FAM107A: variants seen among roughly 807,000 people sequenced by gnomAD.
FAM107A encodes the protein actin-associated protein FAM107A.
A neutral mutation model predicts 13.7 loss-of-function variants in FAM107A; 19 were observed. That is an observed-to-expected ratio of 1.38 (90% CI 0.97 to 2.03). The LOEUF (loss-of-function observed/expected upper bound fraction) is 2.03. Ranked by LOEUF, FAM107A falls within the 30% of genes most tolerant of loss-of-function variation. The probability of loss-of-function intolerance (pLI) is 0.00; values close to 1 mark genes in which losing one functional copy is unlikely to be tolerated. For missense variants in FAM107A, 203 were observed against 184.4 expected, an observed-to-expected ratio of 1.10 and a Z score of -0.58; for synonymous variants, 82 against 74.5, an observed-to-expected ratio of 1.10 and a Z score of -0.52.
intron 1 of FAM107A, among the ~76,000 whole-genome samples, chr3:58,595,462 C>G (rs957703234): frequency 6.6e-6 from 1 of 152,116 alleles, no homozygotes; most frequent in African/African-American, 2.4e-5. Context: ...GACAATACAC[C>G]CTCCCTGCCC....
Position 58,566,517 on chromosome 3 carries a change from G to T in FAM107A, c.*71C>A. The T allele has an allele frequency of 3.7e-6, 4 of 1,087,704 alleles. No homozygotes were observed. Among genetic ancestry groups the T allele is most frequent in the Non-Finnish European group, 5.6e-6 (4 of 709,886 alleles). 67.4% of individuals were successfully genotyped at this position (1,087,704 alleles called of 1,614,324 possible). ...GTCCCAGGGCCTGGGGCCCAGGGCTGCCAGGTACAGAAGGGCTGAAGGAGG... is the reference window on the plus strand; with the variant it reads ...GTCCCAGGGCCTGGGGCCCAGGGCTTCCAGGTACAGAAGGGCTGAAGGAGG... On this transcript the variant is annotated 3_prime_UTR_variant, in exon 4 of 4. Transcript: ENST00000360997.
At position 58,593,435 on chromosome 3, in the gene FAM107A, A is replaced by G. The variant is rs984509665; in HGVS notation, c.-69-4166T>C. ...TTGTAAATGCCCTGCCCTTGTTTAC[A>G]CTGCCGGTTTACACTTTTCCTCCAA... On this transcript the variant is annotated intron_variant, in intron 1 of 3. Coordinates refer to the FAM107A transcript ENST00000465970. Among the ~76,000 whole-genome samples the G allele has an allele frequency of 3.9e-5, 6 of 152,154 alleles. No individual in the cohort carries two copies. The East Asian group carries it at 1.2e-3, about 29-fold the overall frequency.
chr3:58,588,145 A>T (rs906158564), upstream of FAM107A, among the ~76,000 whole-genome samples: 1 of 152,168 alleles, frequency 6.6e-6, no homozygotes, highest in African/African-American at 2.4e-5. Flanking sequence ...GGCTTGCACA[A>T]CCAAGACCCA....
At chr3:58,610,232 T>C (rs373993633) in intron 1 of FAM107A, among the ~76,000 whole-genome samples, 4 of 152,114 alleles carry the variant, frequency 2.6e-5, no homozygotes, top group South Asian at 4.1e-4. Context: ...GGTTACTAAA[T>C]GGGGGTTGCC....
intron 1 of FAM107A, among the ~76,000 whole-genome samples, chr3:58,611,797 G>A (rs978235822): frequency 1.3e-5 from 2 of 152,216 alleles, no homozygotes; most frequent in Non-Finnish European, 2.9e-5. Flanking sequence ...CCGACTTCAC[G>A]GGGTTGTTGT....
chr3:58,626,872 G>T, intron 1 of FAM107A: 1 of 1,213,602 alleles, frequency 8.2e-7, no homozygotes, highest in Non-Finnish European at 1.2e-6. Context: ...GGGCACTGCC[G>T]GCTGAAGCTG....
Position 58,603,265 on chromosome 3 carries a change from G to T in FAM107A, c.-69-13996C>A, listed in dbSNP as rs545382902. 2.6e-5 allele frequency among the ~76,000 whole-genome samples: 4 copies of T among 152,210 alleles called. 1 individual carries two copies. The South Asian group carries it at 8.3e-4, about 32-fold the overall frequency. On this transcript the variant is annotated intron_variant, in intron 1 of 3. Transcript: ENST00000465970. ...TGATCCCAGGCCTGTCTTTAGTTAT[G>T]ATGAGAATAATGAGAAGGAGGACAA...
At position 58,566,618 on chromosome 3, in the gene FAM107A, G is replaced by A. The variant is rs761739745; in HGVS notation, c.405C>T (p.Ala135=). ...IKVRENLRRI[A]TLTSEEREL Reference sequence around the variant, plus strand: ...GCTCTCTCTCTTCGCTGGTCAGTGTGGCAATTCTCCGCAGGTTTTCCCTGA... The same window carrying A: ...GCTCTCTCTCTTCGCTGGTCAGTGTAGCAATTCTCCGCAGGTTTTCCCTGA... The change falls in exon 4 of 4, where the codon GCC becomes GCT. Residue 135 remains alanine (A), a synonymous_variant. Transcript: ENST00000360997. The A allele has an allele frequency of 7.4e-6, 12 of 1,613,772 alleles. No homozygotes were observed. Among genetic ancestry groups the A allele is most frequent in the East Asian group, 6.7e-5 (3 of 44,894 alleles).
chr3:58,574,478 G>C (rs2063713826), intron 1 of FAM107A, among the ~76,000 whole-genome samples: 2 of 152,162 alleles, frequency 1.3e-5, no homozygotes, highest in Admixed American at 1.3e-4. Context: ...ACTGTAGTTG[G>C]CCTGGTTATT....
intron 1 of FAM107A, among the ~76,000 whole-genome samples, chr3:58,599,382 T>C (rs1392436858): frequency 6.6e-6 from 1 of 152,214 alleles, no homozygotes; most frequent in East Asian, 1.9e-4. Context: ...ATTTAAGTTT[T>C]AGTAGATGCT....
intron 1 of FAM107A, among the ~76,000 whole-genome samples, chr3:58,615,359 A>G (rs1037587832): frequency 2.1e-5 from 3 of 143,432 alleles, no homozygotes; most frequent in Non-Finnish European, 3.1e-5. Context: ...TTCAATGTGC[A>G]TTTAAAACTA....
chr3:58,600,593 G>C (rs981992807), intron 1 of FAM107A, among the ~76,000 whole-genome samples: 2 of 152,244 alleles, frequency 1.3e-5, no homozygotes, highest in Non-Finnish European at 2.9e-5. Context: ...GAATTCGATA[G>C]AATGTTCTGA....
upstream of FAM107A, chr3:58,587,187 G>A: frequency 8.6e-7 from 1 of 1,159,956 alleles, no homozygotes; most frequent in South Asian, 2.1e-5. Context: ...TCTGCAGTGA[G>A]GACTCCTAGC....
In FAM107A at chr3:58,595,000, A is replaced by T. The variant is rs546186824; in HGVS notation, c.-69-5731T>A. Among the ~76,000 whole-genome samples, 485 of 152,074 alleles carry T rather than the reference A, an allele frequency of 3.2e-3. 3 individuals are homozygous for T. Among genetic ancestry groups the T allele is most frequent in the African/African-American group, 0.011 (471 of 41,466 alleles). The stretch of plus-strand genomic sequence containing the variant: ...CTTGTGTCTTCCGTTTAGTTTCTCA[A>T]TTCATACAAAACAGCATCCAGGCCA... On this transcript the variant is annotated intron_variant, in intron 1 of 3. Transcript: ENST00000465970.
At chr3:58,595,183 TC>T (rs1366192787) in intron 1 of FAM107A, among the ~76,000 whole-genome samples, 4 of 151,874 alleles carry the variant, frequency 2.6e-5, no homozygotes, top group Non-Finnish European at 5.9e-5. Context: ...CCATTATCTC[TC>T]CATACCACCC....
chr3:58,582,747 G>A (rs1179763729), upstream of FAM107A, among the ~76,000 whole-genome samples: 1 of 152,220 alleles, frequency 6.6e-6, no homozygotes, highest in Non-Finnish European at 1.5e-5. Context: ...ATGGAGTCAG[G>A]GCTCTGTAAG....
chr3:58,623,515 C>T lies in FAM107A; in HGVS notation c.-70+3901G>A, dbSNP rs541726212. ...CACCCACTGAGTGCTGGGCACCTCG[C>T]CCCAGCCTGCTGTGGAAGGTAAATC... On this transcript the variant is annotated intron_variant, in intron 1 of 3. Transcript: ENST00000465970. 1.7e-3 allele frequency among the ~76,000 whole-genome samples: 264 copies of T among 152,282 alleles called. 1 individual carries two copies. The highest frequency in any genetic ancestry group is 6.0e-3 in the African/African-American group (250 of 41,522).
intron 1 of FAM107A, among the ~76,000 whole-genome samples, chr3:58,585,512 C>T (rs1409533444): frequency 6.6e-6 from 1 of 152,256 alleles, no homozygotes; most frequent in Non-Finnish European, 1.5e-5. Context: ...GAAGGGCGAG[C>T]AGTTCCAGAG....
Position 58,567,314 on chromosome 3 carries a change from CGGTGCTCTA to C in FAM107A, c.212_220del (p.Leu71_His73del), listed in dbSNP as rs911576676. The C allele has an allele frequency of 1.9e-6, 3 of 1,612,658 alleles. No homozygotes were observed. The highest frequency in any genetic ancestry group is 2.5e-6 in the Non-Finnish European group (3 of 1,179,596). On this transcript the variant is annotated inframe_deletion, in exon 3 of 4. Transcript: ENST00000360997. ...CTTCTTGATGAGCTGGTTCCGCCGG[CGGTGCTCTA>C]GGACACGCTGCAGCTCTGGCTTGCT... is the stretch of plus-strand genomic sequence containing the variant.
Sources: allele counts gnomAD v4.1 joint callset (sites outside exome capture counted in the v4.1 genomes callset), GRCh38; gene constraint gnomAD v4.1.1; transcripts MANE v1.5; gene names NCBI Gene and HGNC (gene_info 2026-07-23, HGNC 2026-07-21).